MEGF9: variants seen among roughly 807,000 people sequenced by gnomAD.
MEGF9 encodes multiple epidermal growth factor-like domains protein 9.
MEGF9 carries 6 observed loss-of-function variants against 46.8 expected under a neutral mutation model. The ratio of observed to expected loss-of-function variants is 0.13; its 90% CI spans 0.07 to 0.25. The LOEUF is 0.25. Among genes scored for constraint, MEGF9 ranks in the 10% least tolerant of loss-of-function variants. MEGF9 has a pLI of 1.00. For synonymous variants in MEGF9, 302 were observed against 330.7 expected (o/e 0.91, Z 0.94); for missense variants, 683 against 792.4 (o/e 0.86, Z 1.66).
chr9:120,704,191 G>A (rs1200892032), intron 1 of MEGF9, among the ~76,000 whole-genome samples: 1 of 151,718 alleles, frequency 6.6e-6, no homozygotes, highest in Non-Finnish European at 1.5e-5. Context: ...AAAATTAGCT[G>A]GGCATGGTGG....
At chr9:120,637,384 AT>A (rs1401421766) in intron 2 of MEGF9, among the ~76,000 whole-genome samples, 3 of 151,894 alleles carry the variant, frequency 2.0e-5, no homozygotes, top group Non-Finnish European at 4.4e-5. Context: ...ACCCTGCCAA[AT>A]TCCCCCTCTC....
At chr9:120,649,835 C>A (rs752076970) in intron 2 of MEGF9, among the ~76,000 whole-genome samples, 1 of 152,026 alleles carries the variant, frequency 6.6e-6, no homozygotes, top group East Asian at 1.9e-4. Context: ...CAAGAACCTA[C>A]GATGATGAGG....
chr9:120,699,746 T>C (rs1047672442), intron 1 of MEGF9, among the ~76,000 whole-genome samples: 1 of 135,252 alleles, frequency 7.4e-6, no homozygotes, highest in South Asian at 2.3e-4. Context: ...AAAAAAAAAG[T>C]AAGTAGAACC....
intron 1 of MEGF9, among the ~76,000 whole-genome samples, chr9:120,713,423 C>T (rs1169673057): frequency 6.6e-6 from 1 of 152,114 alleles, no homozygotes; most frequent in Non-Finnish European, 1.5e-5. Flanking sequence ...CCCAAATAAC[C>T]CAGGCAGAGA....
At chr9:120,639,508 TAAAAAAA>T (rs61638928) in intron 2 of MEGF9, among the ~76,000 whole-genome samples, 236 of 105,176 alleles carry the variant, frequency 2.2e-3, no homozygotes, top group Middle Eastern at 5.1e-3. Context: ...ACTCCGTCTT[TAAAAAAA>T]AAAAAAAAAA....
At chr9:120,643,832 C>CT (rs2043614673) in intron 2 of MEGF9, among the ~76,000 whole-genome samples, 1 of 151,840 alleles carries the variant, frequency 6.6e-6, no homozygotes, top group African/African-American at 2.4e-5. Flanking sequence ...GTAGCTGGGA[C>CT]TACATGCATG....
At chr9:120,631,487 A>ATT (rs35207016) in intron 2 of MEGF9, among the ~76,000 whole-genome samples, 4,742 of 145,896 alleles carry the variant, frequency 0.033, 198 homozygotes, top group African/African-American at 0.095. Flanking sequence ...ATTTGATTGC[A>ATT]TTTTTTTTTT....
intron 2 of MEGF9, 132 bp from the exon 3 acceptor site, chr9:120,622,887 C>T (rs1291627158): frequency 6.1e-6 from 5 of 817,954 alleles, no homozygotes; most frequent in Non-Finnish European, 9.0e-6. Context: ...AGCCTTGTGT[C>T]CAAATAAATC....
chr9:120,643,025 G>A (rs1459355122), intron 2 of MEGF9, among the ~76,000 whole-genome samples: 1 of 152,068 alleles, frequency 6.6e-6, no homozygotes, highest in Non-Finnish European at 1.5e-5. Flanking sequence ...TTTTAAACTA[G>A]TCCTATATAC....
chr9:120,648,003 T>C (rs1472879558), intron 2 of MEGF9, among the ~76,000 whole-genome samples: 1 of 152,148 alleles, frequency 6.6e-6, no homozygotes, highest in East Asian at 1.9e-4. Flanking sequence ...ATCTCTTAAA[T>C]TCTCTCATTT....
chr9:120,635,825 C>A (rs1178656515), intron 2 of MEGF9, among the ~76,000 whole-genome samples: 1 of 152,144 alleles, frequency 6.6e-6, no homozygotes, highest in Non-Finnish European at 1.5e-5. Flanking sequence ...ATTTCCTTTT[C>A]ATGCAGGTCT....
At chr9:120,642,029 T>C (rs1018799130) in intron 2 of MEGF9, among the ~76,000 whole-genome samples, 1 of 152,216 alleles carries the variant, frequency 6.6e-6, no homozygotes, top group African/African-American at 2.4e-5. Context: ...ACTAGGTCCA[T>C]GACACTTGCT....
chr9:120,688,174 C>T (rs568298047), intron 1 of MEGF9, among the ~76,000 whole-genome samples: 8 of 150,986 alleles, frequency 5.3e-5, no homozygotes, highest in East Asian at 1.9e-4. Flanking sequence ...CACACACGCA[C>T]GCACACACAA....
chr9:120,692,147 T>C (rs2043851216), intron 1 of MEGF9, among the ~76,000 whole-genome samples: 1 of 152,202 alleles, frequency 6.6e-6, no homozygotes, highest in Non-Finnish European at 1.5e-5. Flanking sequence ...CACTAGATTG[T>C]GAATGCCTAA....
chr9:120,714,419 T>C lies in MEGF9; in HGVS notation c.-61A>G. The C allele has an allele frequency of 8.2e-7, 1 of 1,217,950 alleles. No individual in the cohort carries two copies. Among genetic ancestry groups the C allele is most frequent in the Non-Finnish European group, 1.0e-6 (1 of 967,676 alleles). 75.4% of individuals were successfully genotyped at this position (1,217,950 alleles called of 1,614,324 possible). A position where few individuals can be genotyped will look rare whatever the true frequency, so the allele number is the denominator to read the frequency against. On this transcript the variant is annotated 5_prime_UTR_variant, in exon 1 of 6. Coordinates refer to ENST00000373930, the MANE Select transcript of MEGF9 (RefSeq NM_001080497.3). ...TCGTTGCAATCCGACCAAGGAAGCC[T>C]CCGCAACCGCCGCCGCCACCGCCAC... is the stretch of plus-strand genomic sequence containing the variant.
chr9:120,606,659 G>T (rs1025260472), intron 5 of MEGF9, among the ~76,000 whole-genome samples: 1 of 152,068 alleles, frequency 6.6e-6, no homozygotes. Context: ...TTTAAAGCTC[G>T]GTTTCCTTAT....
intron 2 of MEGF9, among the ~76,000 whole-genome samples, chr9:120,649,440 A>G (rs1269801893): frequency 2.6e-5 from 4 of 152,170 alleles, no homozygotes; most frequent in African/African-American, 9.7e-5. Flanking sequence ...TGTGCATGTC[A>G]GGCTAACTGG....
In MEGF9 at chr9:120,605,766, T is replaced by C; in HGVS notation, c.1358-125A>G. 1.4e-6 allele frequency: 1 copy of C among 702,884 alleles called. No homozygotes were observed. Among genetic ancestry groups the C allele is most frequent in the East Asian group, 2.7e-5 (1 of 36,960 alleles). The allele number at this position is 702,884 out of a possible 1,614,324, so 43.5% of individuals were successfully genotyped here. On this transcript the variant is annotated intron_variant, in intron 5 of 5. Coordinates refer to ENST00000373930, the MANE Select transcript of MEGF9 (RefSeq NM_001080497.3). This position sits in a 1 kb window ranked among gnomAD's most constrained non-coding sequence, Gnocchi z 4.0. Reference sequence around the variant, plus strand: ...GTTAACATGATATTCTGCTTTAAGGTAATGCAAGTTAAAAATAATGTTTAA... The same window carrying C: ...GTTAACATGATATTCTGCTTTAAGGCAATGCAAGTTAAAAATAATGTTTAA...
Position 120,660,325 on chromosome 9 carries a change from G to A in MEGF9, c.602-750C>T, listed in dbSNP as rs80354966. On this transcript the variant is annotated intron_variant, in intron 1 of 5. Coordinates refer to ENST00000373930, the MANE Select transcript of MEGF9 (RefSeq NM_001080497.3). ...GGGTACCTGAGGTATTCTGACATAG[G>A]CATGCAATGTGTAATAATCATATCA... Among the ~76,000 whole-genome samples the A allele has an allele frequency of 1.5e-3, 234 of 152,170 alleles. 3 individuals carry two copies. In the East Asian group the frequency reaches 0.039, roughly 26 times the overall value.
Sources: gnomAD v4.1 joint callset for allele counts (sites outside exome capture counted in the v4.1 genomes callset) on GRCh38, gnomAD v4.1.1 for gene constraint, Gnocchi (gnomAD v3.1) non-coding constraint, MANE v1.5 for transcripts, NCBI Gene and HGNC (gene_info 2026-07-23, HGNC 2026-07-21) for gene names.